MTUS1: variants seen among roughly 807,000 people sequenced by gnomAD.
The protein encoded by MTUS1 is microtubule-associated tumor suppressor 1.
MTUS1 carries 109 observed loss-of-function variants against 120.8 expected under a neutral mutation model. That is an observed-to-expected ratio of 0.90 (90% CI 0.77 to 1.06). The LOEUF is 1.06. Among genes scored for constraint, MTUS1 ranks in the 50% least tolerant of loss-of-function variants. The pLI, the probability that MTUS1 is intolerant of heterozygous loss-of-function variation, is 0.00. For synonymous variants in MTUS1, 737 were observed against 550.5 expected, an observed-to-expected ratio of 1.34 and a Z score of -4.74; for missense variants, 2,210 against 1,486.3, an observed-to-expected ratio of 1.49 and a Z score of -8.01.
At chr8:17,651,450 C>A (rs79162475) in intron 12 of MTUS1, among the ~76,000 whole-genome samples, 1 of 152,116 alleles carries the variant, frequency 6.6e-6, no homozygotes, top group East Asian at 1.9e-4. Flanking sequence ...ATCACACGTA[C>A]CCCATAAGTA....
chr8:17,792,412 T>G (rs967192249), intron 1 of MTUS1, among the ~76,000 whole-genome samples: 3 of 152,226 alleles, frequency 2.0e-5, no homozygotes, highest in African/African-American at 7.2e-5. Flanking sequence ...TCCAACAAAA[T>G]AGTCTTATCT....
intron 6 of MTUS1, chr8:17,697,147 G>A (rs1818128435): frequency 2.2e-6 from 3 of 1,365,300 alleles, no homozygotes; most frequent in Non-Finnish European, 3.0e-6. Flanking sequence ...ATTAGAGAGA[G>A]CTTTTTTCCT....
intron 8 of MTUS1, among the ~76,000 whole-genome samples, chr8:17,660,512 C>T (rs897915938): frequency 6.6e-6 from 1 of 152,150 alleles, no homozygotes; most frequent in Non-Finnish European, 1.5e-5. Context: ...CAAATACATG[C>T]CCGAGTCCCT....
Position 17,655,876 on chromosome 8 carries a change from T to A in MTUS1, c.3095A>T (p.Gln1032Leu), listed in dbSNP as rs1808103384. The A allele has an allele frequency of 6.2e-7, 1 of 1,614,110 alleles. No homozygotes were observed. Among genetic ancestry groups the A allele is most frequent in the African/African-American group, 1.3e-5 (1 of 74,942 alleles). The change falls in exon 9 of 15, where the codon CAA (glutamine) becomes CTA (leucine). Residue 1032 changes from glutamine (Q) to leucine (L), a missense_variant. Transcript: ENST00000693296. The part of the protein sequence containing the change: ...YIEEAEKYKM[Q>L]LQEQFDNLNA... ...AAAAGCACAGACCTGCTCTTGCAATTGCATTTTGTACTTCTCTGCTTCTTC... is the reference window on the plus strand; with the variant it reads ...AAAAGCACAGACCTGCTCTTGCAATAGCATTTTGTACTTCTCTGCTTCTTC...
At chr8:17,738,398 CAT>C (rs944413202) in intron 3 of MTUS1, among the ~76,000 whole-genome samples, 16 of 152,256 alleles carry the variant, frequency 1.1e-4, no homozygotes, top group East Asian at 1.9e-4. Context: ...AATGGCAACT[CAT>C]GTGTGTAGAG....
At chr8:17,768,900 T>A (rs898784754) in intron 1 of MTUS1, among the ~76,000 whole-genome samples, 1 of 152,328 alleles carries the variant, frequency 6.6e-6, no homozygotes, top group Admixed American at 6.5e-5. Flanking sequence ...GTATTTTGTT[T>A]ACACTTCTGG....
intron 8 of MTUS1, 30 bp from the exon 9 acceptor site, chr8:17,656,095 A>G: frequency 6.2e-7 from 1 of 1,602,672 alleles, no homozygotes; most frequent in Non-Finnish European, 8.5e-7. Flanking sequence ...AAGAGGGAAG[A>G]GGTCATTTTA....
At chr8:17,675,135 A>G in intron 8 of MTUS1, 51 bp downstream of exon 8, 1 of 1,608,268 alleles carries the variant, frequency 6.2e-7, no homozygotes, top group Non-Finnish European at 8.5e-7. Flanking sequence ...CACATTTTCC[A>G]GTGTTCCCCT....
intron 1 of MTUS1, among the ~76,000 whole-genome samples, chr8:17,756,674 C>CCCCCCCCCG (rs541307072): frequency 1.9e-5 from 1 of 53,290 alleles, no homozygotes; most frequent in African/African-American, 5.7e-5. Context: ...AGCCCAAACC[C>CCCCCCCCCG]CCACCCCTTA....
chr8:17,647,325 T>G (rs1585371967), intron 13 of MTUS1: 1 of 386,346 alleles, frequency 2.6e-6, no homozygotes, highest in African/African-American at 2.1e-5. Flanking sequence ...GGTAACAGAT[T>G]TGTTCCAGGT....
rs201998569 is a variant in MTUS1, at chr8:17,724,488, A to AT, written c.2288-656dup. Reference sequence around the variant, plus strand: ...CACCAGGTGGTGCTATACTATTAAGATTTTTTTTTTTAATCTCACCTTTTC... The same window carrying AT: ...CACCAGGTGGTGCTATACTATTAAGATTTTTTTTTTTTAATCTCACCTTTTC... On this transcript the variant is annotated intron_variant, in intron 3 of 14. Transcript: ENST00000693296. Among the ~76,000 whole-genome samples the AT allele has an allele frequency of 7.9e-3, 1,180 of 149,486 alleles. 50 individuals carry two copies. The East Asian group carries it at 0.12, about 16-fold the overall frequency.
intron 3 of MTUS1, among the ~76,000 whole-genome samples, chr8:17,730,121 CA>C (rs1441164089): frequency 6.6e-6 from 1 of 152,042 alleles, no homozygotes; most frequent in Non-Finnish European, 1.5e-5. Context: ...GTGGTTCCTC[CA>C]AAAATTAAAC....
chr8:17,735,326 T>G (rs1410795238), intron 3 of MTUS1, among the ~76,000 whole-genome samples: 1 of 152,142 alleles, frequency 6.6e-6, no homozygotes, highest in Non-Finnish European at 1.5e-5. Flanking sequence ...GGGGAGACAC[T>G]TAGGACTGTT....
At chr8:17,703,177 A>G (rs2904722) in intron 6 of MTUS1, among the ~76,000 whole-genome samples, 32,040 of 152,142 alleles carry the variant, frequency 0.21, 3,595 homozygotes, top group African/African-American at 0.3. Flanking sequence ...ATACAGCCAT[A>G]TTTTTCTTCT....
In MTUS1 at chr8:17,675,239, A is replaced by G. The variant is rs779264378; in HGVS notation, c.2852T>C (p.Leu951Pro). 1.9e-6 allele frequency: 3 copies of G among 1,614,140 alleles called. No individual in the cohort carries two copies. The highest frequency in any genetic ancestry group is 2.2e-5 in the East Asian group (1 of 44,886). ...QHLLSEREEA[L>P]KQHKTLSQEL... ...TTGAGATAGGGTTTTGTGTTGTTTC[A>G]GTGCTTCCTCCCGCTGCGGAAAACA... The change falls in exon 8 of 15, where the codon CTG becomes CCG. Residue 951 changes from leucine (L) to proline (P), a missense_variant. By Grantham distance (98) the Leu-to-Pro change is moderately conservative (BLOSUM62 -3). Coordinates refer to ENST00000693296, the MANE Select transcript of MTUS1 (RefSeq NM_001363059.2).
chr8:17,743,854 A>T, intron 2 of MTUS1, 55 bp from the exon 3 acceptor site: 1 of 1,500,748 alleles, frequency 6.7e-7, no homozygotes, highest in Non-Finnish European at 9.1e-7. Flanking sequence ...AAGCCCCCCA[A>T]CTGACTGAAT....
chr8:17,713,139 T>C, intron 6 of MTUS1, 75 bp downstream of exon 6: 1 of 1,208,896 alleles, frequency 8.3e-7, no homozygotes, highest in Non-Finnish European at 1.2e-6. Context: ...CAGTAAAAAA[T>C]CACTGTAAAT....
rs1805624007 is a variant in MTUS1 at position 17,645,631 on chromosome 8, A to G, written c.*295T>C. On this transcript the variant is annotated 3_prime_UTR_variant, in exon 15 of 15. Transcript: ENST00000693296. The stretch of plus-strand genomic sequence containing the variant: ...GTTTTTCCCCCTATGCTTAGGTGAA[A>G]AAGGCAATGAACAAGATGCTCTCGT... 2 of 260,314 alleles carry G rather than the reference A, an allele frequency of 7.7e-6. No individual in the cohort carries two copies. The highest frequency in any genetic ancestry group is 7.2e-6 in the Non-Finnish European group (1 of 139,078). The allele number at this position is 260,314 out of a possible 1,614,324, so 16.1% of individuals were successfully genotyped here.
At chr8:17,780,002 G>C (rs2050748545) in intron 1 of MTUS1, among the ~76,000 whole-genome samples, 1 of 152,166 alleles carries the variant, frequency 6.6e-6, no homozygotes, top group African/African-American at 2.4e-5. Context: ...ATCTCATGTT[G>C]AAATGTGATC....
Sources: gnomAD v4.1 joint callset for allele counts (sites outside exome capture counted in the v4.1 genomes callset) on GRCh38, gnomAD v4.1.1 for gene constraint, MANE v1.5 for transcripts, NCBI Gene and HGNC (gene_info 2026-07-23, HGNC 2026-07-21) for gene names.